The following FARP1 variants were observed in gnomAD, a reference collection of about 807,000 sequenced individuals.
FARP1 encodes FERM, ARH/RhoGEF and pleckstrin domain protein 1.
A neutral mutation model predicts 128.8 loss-of-function variants in FARP1; 52 were observed. The ratio of observed to expected loss-of-function variants is 0.40; its 90% CI spans 0.32 to 0.51. The LOEUF is 0.51. FARP1 is among the 20% of genes least tolerant of loss of function. The pLI is 0.45. For missense variants in FARP1, 1,333 were observed against 1,367.9 expected, an observed-to-expected ratio of 0.97 and a Z score of 0.40; for synonymous variants, 580 against 551.8, an observed-to-expected ratio of 1.05 and a Z score of -0.72.
chr13:98,222,794 A>ATTTTT (rs34198874), intron 2 of FARP1, among the ~76,000 whole-genome samples: 3 of 124,798 alleles, frequency 2.4e-5, no homozygotes, highest in South Asian at 2.7e-4. Context: ...TGCCCAGCTA[A>ATTTTT]TTTTTTTTTT....
At chr13:98,307,540 G>A (rs1373868984) in intron 2 of FARP1, among the ~76,000 whole-genome samples, 2 of 152,112 alleles carry the variant, frequency 1.3e-5, no homozygotes, top group South Asian at 4.1e-4. Context: ...ACACGCTACA[G>A]GCCTCGAGTC....
At chr13:98,420,625 G>A (rs1421003001) in intron 16 of FARP1, among the ~76,000 whole-genome samples, 2 of 152,176 alleles carry the variant, frequency 1.3e-5, no homozygotes, top group East Asian at 3.9e-4. Context: ...CAGCTTCTTA[G>A]CAGACTTTAC....
rs1211429363 is a variant in FARP1 at position 98,318,092 on chromosome 13, A to G, written c.172-25670A>G. Reference sequence around the variant, plus strand: ...CCTTTTTTTTTTTTTTTTTTTTGAAACAGGGTCTTGCTTTGTTACCCAGGC... The same window carrying G: ...CCTTTTTTTTTTTTTTTTTTTTGAAGCAGGGTCTTGCTTTGTTACCCAGGC... On this transcript the variant is annotated intron_variant, in intron 2 of 26. Transcript: ENST00000319562. 3.0e-5 allele frequency among the ~76,000 whole-genome samples: 4 copies of G among 132,314 alleles called. No individual in the cohort carries two copies. The East Asian group carries it at 6.4e-4, about 21-fold the overall frequency. 86.8% of individuals were successfully genotyped at this position (132,314 alleles called of 152,430 possible). A position where few individuals can be genotyped will look rare whatever the true frequency, so the allele number is the denominator to read the frequency against.
At chr13:98,153,528 TATTA>T (rs1228415078) in intron 1 of FARP1, among the ~76,000 whole-genome samples, 5 of 95,448 alleles carry the variant, frequency 5.2e-5, no homozygotes, top group Non-Finnish European at 4.7e-5. Context: ...TTTATATATA[TATTA>T]TATATAAATA....
intron 2 of FARP1, among the ~76,000 whole-genome samples, chr13:98,285,058 C>T (rs1885097938): frequency 1.3e-5 from 2 of 152,094 alleles, no homozygotes; most frequent in Non-Finnish European, 2.9e-5. Flanking sequence ...GCTACTTTTC[C>T]AAAAGGTGCG....
intron 3 of FARP1, 138 bp downstream of exon 3, chr13:98,344,004 G>A: frequency 1.5e-6 from 1 of 669,230 alleles, no homozygotes; most frequent in Non-Finnish European, 2.7e-6. Context: ...CAAATCTGGT[G>A]TGTATTTGAC....
intron 2 of FARP1, among the ~76,000 whole-genome samples, chr13:98,217,796 G>A (rs1218710882): frequency 6.6e-6 from 1 of 152,196 alleles, no homozygotes; most frequent in East Asian, 1.9e-4. Context: ...GGAGGGCAAG[G>A]CCTCTTGTTC....
At chr13:98,288,594 G>A (rs531671924) in intron 2 of FARP1, among the ~76,000 whole-genome samples, 34 of 152,244 alleles carry the variant, frequency 2.2e-4, no homozygotes, top group African/African-American at 8.2e-4. Flanking sequence ...AATAGATTCT[G>A]AGGCCCTTGG....
At chr13:98,333,436 TACAC>T (rs60264788) in intron 2 of FARP1, among the ~76,000 whole-genome samples, 1,928 of 139,726 alleles carry the variant, frequency 0.014, 24 homozygotes, top group African/African-American at 0.03. Flanking sequence ...CCCCCACATG[TACAC>T]ACACACACAC....
chr13:98,363,704 G>T (rs1013831622), intron 3 of FARP1, among the ~76,000 whole-genome samples: 1 of 152,118 alleles, frequency 6.6e-6, no homozygotes, highest in African/African-American at 2.4e-5. Flanking sequence ...CTCAATAAAG[G>T]TCTAGGCTCT....
intron 6 of FARP1, among the ~76,000 whole-genome samples, chr13:98,379,300 C>T (rs1405419448): frequency 6.9e-6 from 1 of 145,844 alleles, no homozygotes; most frequent in Non-Finnish European, 1.5e-5. Flanking sequence ...GAGATCAAGT[C>T]TGTCATTATC....
intron 2 of FARP1, among the ~76,000 whole-genome samples, chr13:98,249,631 T>G (rs1191312861): frequency 1.3e-5 from 2 of 152,168 alleles, no homozygotes; most frequent in African/African-American, 4.8e-5. Flanking sequence ...AGAAATTGTT[T>G]GGCTATTGGA....
intron 1 of FARP1, among the ~76,000 whole-genome samples, chr13:98,169,678 C>T (rs536906956): frequency 7.2e-5 from 11 of 152,260 alleles, no homozygotes; most frequent in South Asian, 2.1e-4. Context: ...GACATTGCTC[C>T]GTTGTCTTCT....
chr13:98,192,144 T>C (rs1234223611), intron 1 of FARP1, among the ~76,000 whole-genome samples: 1 of 152,102 alleles, frequency 6.6e-6, no homozygotes, highest in African/African-American at 2.4e-5. Context: ...CATTTCACAG[T>C]CTTCATGTTT....
rs571555783 is a variant in FARP1 at position 98,361,563 on chromosome 13, G to A, written c.277-3832G>A. ...GAGAGTTTAGTGGCTGGGACAGCAG[G>A]CTCCCAGTGCGCTCTCTGGTTAACT... is the stretch of plus-strand genomic sequence containing the variant. On this transcript the variant is annotated intron_variant, in intron 3 of 26. Coordinates refer to ENST00000319562, the MANE Select transcript of FARP1 (RefSeq NM_005766.4). Among the ~76,000 whole-genome samples, 33 of 152,316 alleles carry A rather than the reference G, an allele frequency of 2.2e-4. No homozygotes were observed. In the South Asian group the frequency reaches 6.4e-3, roughly 30 times the overall value.
chr13:98,248,812 G>A (rs1219185655), intron 2 of FARP1, among the ~76,000 whole-genome samples: 1 of 151,820 alleles, frequency 6.6e-6, no homozygotes, highest in Non-Finnish European at 1.5e-5. Flanking sequence ...TTGCGTTTTC[G>A]TGCTTTTTGT....
At position 98,377,824 on chromosome 13, in the gene FARP1, C is replaced by T. The variant is rs1383482263; in HGVS notation, c.402C>T (p.Tyr134=). 2.5e-6 allele frequency: 4 copies of T among 1,613,254 alleles called. No homozygotes were observed. The African/African-American group carries it at 4.0e-5, about 16-fold the overall frequency. The change falls in exon 6 of 27, where the codon TAC becomes TAT. Residue 134 remains tyrosine, a synonymous_variant. Transcript: ENST00000319562. ...HTQLQEELTR[Y]LFALQVKQDL... ...CCAGCTCTGTTGATCTTCGCAGGTACCTGTTCGCGCTGCAGGTGAAGCAGG... is the reference window on the plus strand; with the variant it reads ...CCAGCTCTGTTGATCTTCGCAGGTATCTGTTCGCGCTGCAGGTGAAGCAGG...
intron 1 of FARP1, among the ~76,000 whole-genome samples, chr13:98,207,311 A>G (rs285107): frequency 0.46 from 69,821 of 152,078 alleles, 18,154 homozygotes; most frequent in Non-Finnish European, 0.58. Flanking sequence ...GCTACCAAGT[A>G]TCTGTTAATG....
chr13:98,214,264 G>C (rs915381607), intron 2 of FARP1, among the ~76,000 whole-genome samples: 8 of 152,222 alleles, frequency 5.3e-5, no homozygotes, highest in Admixed American at 2.6e-4. Context: ...CGGCAGGAGA[G>C]GAAGTGGGAG....
Sources: gnomAD v4.1 joint callset for allele counts (sites outside exome capture counted in the v4.1 genomes callset) on GRCh38, gnomAD v4.1.1 for gene constraint, MANE v1.5 for transcripts, NCBI Gene and HGNC (gene_info 2026-07-23, HGNC 2026-07-21) for gene names.